The following PRSS23 variants were observed in gnomAD, a reference collection of about 807,000 sequenced individuals.
PRSS23 encodes protease, serine 23.
Under a neutral mutation model 34.7 loss-of-function variants are expected in PRSS23, and 25 were observed. The ratio of observed to expected loss-of-function variants is 0.72; its 90% CI spans 0.53 to 1.01. The LOEUF is 1.01. Ranked by LOEUF, PRSS23 falls within the 50% of genes least tolerant of loss-of-function variation. PRSS23 has a pLI of 0.00. For missense variants in PRSS23, 445 were observed against 475.6 expected (o/e 0.94, Z 0.60); for synonymous variants, 176 against 186.6 (o/e 0.94, Z 0.46).
intron 2 of PRSS23, among the ~76,000 whole-genome samples, chr11:86,839,067 A>C (rs1311927250): frequency 2.6e-5 from 4 of 151,538 alleles, no homozygotes; most frequent in African/African-American, 9.7e-5. Context: ...AAAAAAAAAA[A>C]ACAACAGAGC....
At chr11:86,822,162 T>TG (rs1948256943) in intron 1 of PRSS23, among the ~76,000 whole-genome samples, 3 of 152,178 alleles carry the variant, frequency 2.0e-5, no homozygotes, top group African/African-American at 7.2e-5. Context: ...GCACCTACTA[T>TG]GCAAGGCATA....
intron 2 of PRSS23, among the ~76,000 whole-genome samples, chr11:86,842,975 CA>C (rs1387494372): frequency 3.3e-5 from 5 of 152,098 alleles, no homozygotes; most frequent in Non-Finnish European, 7.4e-5. Context: ...CAATCCTAAG[CA>C]AAAAGAACAA....
At chr11:86,851,329 A>G (rs1948527725) in intron 2 of PRSS23, among the ~76,000 whole-genome samples, 1 of 152,240 alleles carries the variant, frequency 6.6e-6, no homozygotes, top group Non-Finnish European at 1.5e-5. Context: ...GGCAAGGGAG[A>G]GATGCCCCTT....
chr11:86,858,527 A>G (rs1280172010), intron 2 of PRSS23, among the ~76,000 whole-genome samples: 5 of 151,886 alleles, frequency 3.3e-5, no homozygotes, highest in Non-Finnish European at 4.4e-5. Context: ...CCTAATATCC[A>G]AGGGAAGAGA....
intron 2 of PRSS23, among the ~76,000 whole-genome samples, chr11:86,850,062 T>C (rs1948517366): frequency 6.6e-6 from 1 of 152,180 alleles, no homozygotes; most frequent in African/African-American, 2.4e-5. Flanking sequence ...GACTGGAATA[T>C]GTTTAACCAA....
At chr11:86,942,363 T>A (rs1338273359) in intron 2 of PRSS23, among the ~76,000 whole-genome samples, 1 of 152,164 alleles carries the variant, frequency 6.6e-6, no homozygotes, top group African/African-American at 2.4e-5. Context: ...CAGGACAGGA[T>A]TTTCTGTGAC....
intron 2 of PRSS23, among the ~76,000 whole-genome samples, chr11:86,875,638 C>T (rs2511877): frequency 0.53 from 80,863 of 152,004 alleles, 22,738 homozygotes; most frequent in African/African-American, 0.72. Context: ...ACTAACAACC[C>T]TTCGATTAAA....
chr11:86,865,025 T>A (rs188427320), intron 2 of PRSS23, among the ~76,000 whole-genome samples: 1 of 152,338 alleles, frequency 6.6e-6, no homozygotes, highest in East Asian at 1.9e-4. Flanking sequence ...TCTACAAAGT[T>A]CCTTTTTCCA....
intron 2 of PRSS23, among the ~76,000 whole-genome samples, chr11:86,902,675 G>A (rs1001932856): frequency 6.6e-6 from 1 of 152,148 alleles, no homozygotes; most frequent in Non-Finnish European, 1.5e-5. Flanking sequence ...TTTCTAGAAA[G>A]ACAGTTTAAA....
At position 86,847,347 on chromosome 11, in the gene PRSS23, G is replaced by A. The variant is rs889370966; in HGVS notation, c.206+23754G>A. Among the ~76,000 whole-genome samples, 33 of 152,204 alleles carry A rather than the reference G, an allele frequency of 2.2e-4. 2 individuals carry two copies. The highest frequency in any genetic ancestry group is 7.7e-4 in the African/African-American group (32 of 41,454). Reference sequence around the variant, plus strand: ...AGGCCTTGCCACCCTGGAACAGGTTGGATGTATTGGCAGAAGGACCATAAT... The same window carrying A: ...AGGCCTTGCCACCCTGGAACAGGTTAGATGTATTGGCAGAAGGACCATAAT... On this transcript the variant is annotated intron_variant, in intron 2 of 2. Transcript: ENST00000533902.
At chr11:86,879,397 G>A (rs1185548909) in intron 2 of PRSS23, among the ~76,000 whole-genome samples, 9 of 150,832 alleles carry the variant, frequency 6.0e-5, no homozygotes, top group East Asian at 4.0e-4. Flanking sequence ...CAGCCACCCC[G>A]TCTGGGAAGT....
At chr11:86,797,658 A>G (rs557998006), upstream of PRSS23, among the ~76,000 whole-genome samples, 3 of 152,310 alleles carry the variant, frequency 2.0e-5, no homozygotes, top group Admixed American at 6.5e-5. Flanking sequence ...AACTACTAGG[A>G]AAAAAATGAG....
At position 86,808,759 on chromosome 11, in the gene PRSS23, G is replaced by A. The variant is rs200032691; in HGVS notation, c.1116G>A (p.Trp372Ter). The change falls in exon 2 of 2, where the codon TGG becomes TGA. Residue 372 changes from tryptophan to a stop codon, truncating the protein, a stop_gained. Transcript: ENST00000280258. LOFTEE classifies it high-confidence loss of function. ...TCAAATATGCCCAGATTTGCTATTG[G>A]ATTAAAGGAAACTACCTGGATTGTA... Reference protein sequence around the residue: ...TPLKYAQICYWIKGNYLDCRE... With the variant: ...TPLKYAQICY 7.7e-5 allele frequency: 125 copies of A among 1,613,444 alleles called. No homozygotes were observed. The highest frequency in any genetic ancestry group is 4.6e-5 in the Non-Finnish European group (54 of 1,179,532).
In PRSS23 at chr11:86,808,204, C is replaced by T. The variant is rs757680284; in HGVS notation, c.561C>T (p.Thr187=). ...ATGGAAAAACCTATGTGAAAGGAACCCAGAAGCTTCGAGTGGGCTTCCTAA... is the reference window on the plus strand; with the variant it reads ...ATGGAAAAACCTATGTGAAAGGAACTCAGAAGCTTCGAGTGGGCTTCCTAA... ...IHDGKTYVKG[T]QKLRVGFLKP... The change falls in exon 2 of 2, where the codon ACC becomes ACT. Residue 187 remains threonine (T), a synonymous_variant. Transcript: ENST00000280258. 123 of 1,614,016 alleles carry T rather than the reference C, an allele frequency of 7.6e-5. 1 individual carries two copies. The South Asian group carries it at 1.3e-3, about 17-fold the overall frequency.
At chr11:86,879,659 G>A (rs868474189) in intron 2 of PRSS23, among the ~76,000 whole-genome samples, 11 of 98,704 alleles carry the variant, frequency 1.1e-4, no homozygotes, top group South Asian at 3.6e-4. Context: ...CAGCCGCCCC[G>A]TCCGGGAAGG....
intron 2 of PRSS23, chr11:86,936,272 C>T (rs1318787078): frequency 6.6e-6 from 1 of 151,972 alleles, no homozygotes; most frequent in Admixed American, 6.6e-5. Flanking sequence ...ATGCCAATTA[C>T]TTTATTTTTT....
chr11:86,818,203 T>G (rs535377100), intron 1 of PRSS23, among the ~76,000 whole-genome samples: 1 of 152,246 alleles, frequency 6.6e-6, no homozygotes. Flanking sequence ...CTAAAAACTT[T>G]GTATCATCAG....
chr11:86,821,901 A>G (rs571554041), intron 1 of PRSS23, among the ~76,000 whole-genome samples: 3 of 152,214 alleles, frequency 2.0e-5, no homozygotes, highest in Non-Finnish European at 2.9e-5. Context: ...GTATTAAAGG[A>G]TTTTAAAGAA....
chr11:86,885,659 T>C (rs957124256), intron 2 of PRSS23, among the ~76,000 whole-genome samples: 1 of 152,236 alleles, frequency 6.6e-6, no homozygotes, highest in African/African-American at 2.4e-5. Flanking sequence ...TCCCTGTGCC[T>C]CCAGCCTGCT....
Sources: allele counts gnomAD v4.1 joint callset (sites outside exome capture counted in the v4.1 genomes callset), GRCh38; gene constraint gnomAD v4.1.1; transcripts MANE v1.5; gene names NCBI Gene and HGNC (gene_info 2026-07-23, HGNC 2026-07-21).